Variants in NDST4 observed in about 807,000 individuals in gnomAD.
The protein encoded by NDST4 is N-heparan sulfate sulfotransferase 4.
NDST4 carries 63 observed loss-of-function variants against 100.8 expected under a neutral mutation model. That is an observed-to-expected ratio of 0.62 (90% CI 0.51 to 0.77). The LOEUF (loss-of-function observed/expected upper bound fraction) is 0.77, where lower values mean the gene tolerates loss of function less well. NDST4 is among the 30% of genes least tolerant of loss of function. The pLI, the probability that NDST4 is intolerant of heterozygous loss-of-function variation, is 0.00. For synonymous variants in NDST4, 377 were observed against 361.8 expected, an observed-to-expected ratio of 1.04 and a Z score of -0.48; for missense variants, 943 against 1,018.4, an observed-to-expected ratio of 0.93 and a Z score of 1.01.
At chr4:115,002,858 G>A (rs923044151) in intron 2 of NDST4, among the ~76,000 whole-genome samples, 10 of 152,100 alleles carry the variant, frequency 6.6e-5, no homozygotes, top group African/African-American at 2.4e-4. Flanking sequence ...ACTGGATAAA[G>A]AAAATGTTGC....
rs149661989 is a variant in NDST4 at position 114,963,101 on chromosome 4, A to T, written c.1221+7329T>A. 2.5e-3 allele frequency among the ~76,000 whole-genome samples: 385 copies of T among 152,232 alleles called. 2 individuals are homozygous for T. The highest frequency in any genetic ancestry group is 8.5e-3 in the African/African-American group (355 of 41,560). On this transcript the variant is annotated intron_variant, in intron 4 of 13. Transcript: ENST00000264363. ...AACATATCTCCACACAAAAACTTGCACCTGAATGCTCATAGCAGCATTATA... is the reference window on the plus strand; with the variant it reads ...AACATATCTCCACACAAAAACTTGCTCCTGAATGCTCATAGCAGCATTATA...
At chr4:115,027,718 A>G (rs1385512558) in intron 2 of NDST4, among the ~76,000 whole-genome samples, 1 of 152,106 alleles carries the variant, frequency 6.6e-6, no homozygotes, top group African/African-American at 2.4e-5. Flanking sequence ...TATCATGTTA[A>G]AACACCATTT....
chr4:115,094,361 T>G (rs1729579469), intron 1 of NDST4, among the ~76,000 whole-genome samples: 2 of 152,102 alleles, frequency 1.3e-5, no homozygotes, highest in Admixed American at 6.6e-5. Context: ...TAACACAATC[T>G]GTTGTCAGAG....
chr4:114,969,327 A>T (rs11728589), intron 4 of NDST4, among the ~76,000 whole-genome samples: 4 of 135,248 alleles, frequency 3.0e-5, no homozygotes, highest in Admixed American at 7.6e-5. Flanking sequence ...AAAAGAAAAA[A>T]AAAAAAAAAA....
intron 3 of NDST4, among the ~76,000 whole-genome samples, chr4:114,975,531 C>T (rs1726613731): frequency 6.6e-6 from 1 of 152,042 alleles, no homozygotes; most frequent in African/African-American, 2.4e-5. Flanking sequence ...GCTCATTTCC[C>T]AGTGGTTGTG....
At chr4:115,010,134 C>A (rs1727510287) in intron 2 of NDST4, among the ~76,000 whole-genome samples, 1 of 126,780 alleles carries the variant, frequency 7.9e-6, no homozygotes, top group Admixed American at 8.1e-5. Flanking sequence ...GTGGCAATTC[C>A]TCAGGGATCT....
chr4:114,977,688 A>G (rs279518), intron 2 of NDST4, among the ~76,000 whole-genome samples: 48,211 of 151,734 alleles, frequency 0.32, 7,725 homozygotes, highest in South Asian at 0.47. Flanking sequence ...TTGAACTGCA[A>G]TTTAATATTT....
intron 2 of NDST4, among the ~76,000 whole-genome samples, chr4:115,056,757 C>T (rs1426440814): frequency 6.6e-6 from 1 of 152,128 alleles, no homozygotes; most frequent in African/African-American, 2.4e-5. Flanking sequence ...TATAGACTGT[C>T]AAGACCATGA....
chr4:114,992,043 C>T (rs187695371), intron 2 of NDST4, among the ~76,000 whole-genome samples: 7 of 151,866 alleles, frequency 4.6e-5, no homozygotes, highest in East Asian at 3.9e-4. Flanking sequence ...AAAAATAGTA[C>T]GGTTCCCATA....
At chr4:114,878,191 A>G (rs1396704934) in intron 6 of NDST4, among the ~76,000 whole-genome samples, 1 of 152,164 alleles carries the variant, frequency 6.6e-6, no homozygotes, top group Admixed American at 6.6e-5. Context: ...AACTTCAGTT[A>G]TTGATCTTTC....
intron 6 of NDST4, among the ~76,000 whole-genome samples, chr4:114,924,487 G>C (rs1345333807): frequency 6.6e-6 from 1 of 150,638 alleles, no homozygotes; most frequent in Non-Finnish European, 1.5e-5. Flanking sequence ...AGGTCTTTCA[G>C]TGAGTGGAAA....
chr4:115,085,053 G>C (rs1729381637), intron 1 of NDST4, among the ~76,000 whole-genome samples: 1 of 152,188 alleles, frequency 6.6e-6, no homozygotes, highest in Non-Finnish European at 1.5e-5. Context: ...AGCTACAGGG[G>C]TGGAGCTCCC....
rs138565397 is a variant in NDST4 at position 114,848,262 on chromosome 4, C to T, written c.1893G>A (p.Glu631=). The T allele has an allele frequency of 2.3e-5, 37 of 1,610,610 alleles. No homozygotes were observed. Among genetic ancestry groups the T allele is most frequent in the Non-Finnish European group, 3.1e-5 (36 of 1,178,546 alleles). The change falls in exon 9 of 14, where the codon GAG becomes GAA. Residue 631 remains glutamate (E), a synonymous_variant. Transcript: ENST00000264363. ...TGTTGCCATTAAAGAACTGAACTTC[C>T]TCAAATGTCTTTGGACTAGGGAGAT... ...ISNLPSPKTF[E]EVQFFNGNNY...
At chr4:114,847,027 G>T (rs1016343027) in intron 9 of NDST4, among the ~76,000 whole-genome samples, 1 of 152,076 alleles carries the variant, frequency 6.6e-6, no homozygotes, top group Admixed American at 6.5e-5. Flanking sequence ...TGGGAACCTT[G>T]ATCTGCTCGC....
At chr4:114,860,245 T>G (rs1723890297) in intron 7 of NDST4, among the ~76,000 whole-genome samples, 1 of 152,216 alleles carries the variant, frequency 6.6e-6, no homozygotes, top group African/African-American at 2.4e-5. Flanking sequence ...TTCTGCCATC[T>G]TTTTATTTAG....
chr4:114,900,772 G>T (rs978635369), intron 6 of NDST4, among the ~76,000 whole-genome samples: 1 of 152,048 alleles, frequency 6.6e-6, no homozygotes, highest in Non-Finnish European at 1.5e-5. Flanking sequence ...GACTGTACAT[G>T]CATTCAGTGA....
At chr4:114,979,504 C>T (rs552239341) in intron 2 of NDST4, among the ~76,000 whole-genome samples, 90 of 151,082 alleles carry the variant, frequency 6.0e-4, no homozygotes, top group Non-Finnish European at 1.2e-3. Flanking sequence ...GGATTAGTTT[C>T]ATTTATTTTT....
At chr4:114,957,703 T>G (rs981706354) in intron 4 of NDST4, among the ~76,000 whole-genome samples, 4 of 152,062 alleles carry the variant, frequency 2.6e-5, no homozygotes, top group Non-Finnish European at 5.9e-5. Flanking sequence ...CAAAAGCAAA[T>G]TATTTACTTC....
chr4:115,047,024 T>C (rs994137974), intron 2 of NDST4, among the ~76,000 whole-genome samples: 1 of 152,102 alleles, frequency 6.6e-6, no homozygotes, highest in Non-Finnish European at 1.5e-5. Flanking sequence ...TTCTTTACAA[T>C]TGAATTTGAA....
Sources: gnomAD v4.1 joint callset for allele counts (sites outside exome capture counted in the v4.1 genomes callset) on GRCh38, gnomAD v4.1.1 for gene constraint, MANE v1.5 for transcripts, NCBI Gene and HGNC (gene_info 2026-07-23, HGNC 2026-07-21) for gene names.